Variants in GAP43 observed in about 807,000 individuals in gnomAD.
GAP43 encodes growth associated protein 43.
GAP43 carries 6 observed loss-of-function variants against 18.6 expected under a neutral mutation model. The observed-to-expected ratio is 0.32, with a 90% CI of 0.18 to 0.64. The LOEUF (loss-of-function observed/expected upper bound fraction) is 0.64. Among genes scored for constraint, GAP43 ranks in the 30% least tolerant of loss-of-function variants. The probability of loss-of-function intolerance (pLI) is 0.78; values close to 1 mark genes in which losing one functional copy is unlikely to be tolerated. For synonymous variants in GAP43, 115 were observed against 111.4 expected, an observed-to-expected ratio of 1.03 and a Z score of -0.20; for missense variants, 292 against 295.5, an observed-to-expected ratio of 0.99 and a Z score of 0.09.
At chr3:115,641,053 T>C (rs1708389507) in intron 1 of GAP43, among the ~76,000 whole-genome samples, 1 of 145,040 alleles carries the variant, frequency 6.9e-6, no homozygotes, top group African/African-American at 2.5e-5. Flanking sequence ...TTTTTTTCAA[T>C]GAGGTTTTAC....
At chr3:115,706,067 T>C (rs912518669) in intron 2 of GAP43, among the ~76,000 whole-genome samples, 3 of 152,178 alleles carry the variant, frequency 2.0e-5, no homozygotes, top group African/African-American at 7.2e-5. Flanking sequence ...GAGAGTGTTT[T>C]GCATAAGTAG....
chr3:115,667,189 TA>T (rs549051437), intron 1 of GAP43, among the ~76,000 whole-genome samples: 1 of 152,078 alleles, frequency 6.6e-6, no homozygotes, highest in Non-Finnish European at 1.5e-5. Flanking sequence ...TAGAAGATTG[TA>T]AAAAAACAGA....
intron 1 of GAP43, among the ~76,000 whole-genome samples, chr3:115,636,591 G>T (rs992318469): frequency 6.6e-6 from 1 of 152,068 alleles, no homozygotes; most frequent in African/African-American, 2.4e-5. Flanking sequence ...GAAACTCCAG[G>T]TGAAAAAAGG....
chr3:115,703,936 A>G (rs1479095234), intron 2 of GAP43, among the ~76,000 whole-genome samples: 1 of 152,084 alleles, frequency 6.6e-6, no homozygotes, highest in African/African-American at 2.4e-5. Context: ...CAGTACAAAT[A>G]CTAATATCAC....
chr3:115,638,511 CTT>C (rs113774206), intron 1 of GAP43, among the ~76,000 whole-genome samples: 44 of 144,744 alleles, frequency 3.0e-4, no homozygotes, highest in South Asian at 4.4e-4. Context: ...ACACATCACA[CTT>C]TTTTTTTTTT....
intron 1 of GAP43, among the ~76,000 whole-genome samples, chr3:115,660,937 C>A (rs1170270204): frequency 6.6e-6 from 1 of 152,136 alleles, no homozygotes; most frequent in Non-Finnish European, 1.5e-5. Context: ...CACTGTGCTC[C>A]CTTAGCTAAT....
Position 115,676,066 on chromosome 3 carries a change from A to G in GAP43, c.84A>G (p.Glu28=). ...QKIEQDGIKP[E]DKAHKAATKI... ...TTGAACAAGATGGTATCAAACCAGA[A>G]GATAAAGCTCATAAGGCCGCAACCA... The change falls in exon 2 of 3, where the codon GAA becomes GAG. Residue 28 remains glutamate, a synonymous_variant. Transcript: ENST00000305124. 3 of 1,614,074 alleles carry G rather than the reference A, an allele frequency of 1.9e-6. No individual in the cohort carries two copies. Among genetic ancestry groups the G allele is most frequent in the Non-Finnish European group, 2.5e-6 (3 of 1,180,032 alleles).
intron 2 of GAP43, among the ~76,000 whole-genome samples, chr3:115,684,847 CT>C (rs1203117200): frequency 6.6e-6 from 1 of 152,102 alleles, no homozygotes; most frequent in Non-Finnish European, 1.5e-5. Flanking sequence ...GTTGCCTCAT[CT>C]GAATCTTAAA....
intron 1 of GAP43, among the ~76,000 whole-genome samples, chr3:115,634,038 T>G (rs1708297291): frequency 6.6e-6 from 1 of 152,210 alleles, no homozygotes; most frequent in Admixed American, 6.5e-5. Flanking sequence ...ATATTGGTAA[T>G]TAGCCTTACA....
chr3:115,662,339 A>G (rs1708672662), intron 1 of GAP43, among the ~76,000 whole-genome samples: 1 of 152,156 alleles, frequency 6.6e-6, no homozygotes, highest in Non-Finnish European at 1.5e-5. Context: ...TATCTTCCAT[A>G]TCATGGCATA....
At chr3:115,640,874 C>T (rs930608066) in intron 1 of GAP43, among the ~76,000 whole-genome samples, 9 of 151,902 alleles carry the variant, frequency 5.9e-5, no homozygotes. Context: ...GTACTATTTT[C>T]TCCACGTGAA....
rs561268447 is a variant in GAP43 at position 115,676,050 on chromosome 3, A to G, written c.68A>G (p.Asp23Gly). 2.5e-6 allele frequency: 4 copies of G among 1,612,860 alleles called. No homozygotes were observed. The East Asian group carries it at 6.7e-5, about 27-fold the overall frequency. ...GATGACGACCAAAAGATTGAACAAG[A>G]TGGTATCAAACCAGAAGATAAAGCT... is the stretch of plus-strand genomic sequence containing the variant. ...KNDDDQKIEQDGIKPEDKAHK... is the reference protein window; with the variant it reads ...KNDDDQKIEQGGIKPEDKAHK... The change falls in exon 2 of 3, where the codon GAT becomes GGT. Residue 23 changes from aspartate to glycine, a missense_variant. Transcript: ENST00000305124.
intron 2 of GAP43, among the ~76,000 whole-genome samples, chr3:115,711,618 T>C (rs1709439407): frequency 6.6e-6 from 1 of 152,206 alleles, no homozygotes; most frequent in African/African-American, 2.4e-5. Context: ...ATTCTTGTCA[T>C]GGCATTTCTC....
intron 2 of GAP43, among the ~76,000 whole-genome samples, chr3:115,709,250 C>A (rs756726664): frequency 6.6e-6 from 1 of 152,128 alleles, no homozygotes; most frequent in African/African-American, 2.4e-5. Context: ...GCTTTTGCAG[C>A]GAGAGTTCTT....
chr3:115,678,480 A>G (rs775970525), intron 2 of GAP43, among the ~76,000 whole-genome samples: 1 of 152,210 alleles, frequency 6.6e-6, no homozygotes, highest in African/African-American at 2.4e-5. Context: ...TCAGGTTATG[A>G]TAACTAACTG....
intron 1 of GAP43, among the ~76,000 whole-genome samples, chr3:115,654,356 G>A (rs1230794759): frequency 3.9e-5 from 6 of 152,194 alleles, no homozygotes; most frequent in Non-Finnish European, 7.3e-5. Context: ...CTTCTCTGGA[G>A]AAAGATACTT....
intron 1 of GAP43, among the ~76,000 whole-genome samples, chr3:115,640,795 A>C (rs1708384576): frequency 6.6e-6 from 1 of 152,086 alleles, no homozygotes; most frequent in Non-Finnish European, 1.5e-5. Context: ...GATTAGATTA[A>C]GAAATAATGA....
chr3:115,697,466 C>A (rs79032284), intron 2 of GAP43, among the ~76,000 whole-genome samples: 4,773 of 152,240 alleles, frequency 0.031, 230 homozygotes, highest in East Asian at 0.13. Flanking sequence ...ATGCCATCCT[C>A]CTAATGACCG....
At chr3:115,710,371 T>C (rs1156967274) in intron 2 of GAP43, among the ~76,000 whole-genome samples, 1 of 152,196 alleles carries the variant, frequency 6.6e-6, no homozygotes, top group Non-Finnish European at 1.5e-5. Context: ...TGTTTGGAGA[T>C]AATTTAGATA....
Sources: allele counts gnomAD v4.1 joint callset (sites outside exome capture counted in the v4.1 genomes callset), GRCh38; gene constraint gnomAD v4.1.1; transcripts MANE v1.5; gene names NCBI Gene and HGNC (gene_info 2026-07-23, HGNC 2026-07-21).